The following ADAMTS10 variants were observed in gnomAD, a reference collection of about 807,000 sequenced individuals.
ADAMTS10 encodes the protein ADAM metallopeptidase with thrombospondin type 1 motif 10.
In ADAMTS10, 48 loss-of-function variants were observed where a neutral mutation model predicts 135.9. That is an observed-to-expected ratio of 0.35 (90% CI 0.28 to 0.45). ADAMTS10 has a LOEUF of 0.45. Ranked by LOEUF, ADAMTS10 falls within the 20% of genes least tolerant of loss-of-function variation. The pLI, the probability that ADAMTS10 is intolerant of heterozygous loss-of-function variation, is 1.00. For synonymous variants in ADAMTS10, 621 were observed against 647.5 expected (o/e 0.96, Z 0.62); for missense variants, 1,131 against 1,565.2 (o/e 0.72, Z 4.68).
At chr19:8,587,428 C>T (rs533950359) in intron 18 of ADAMTS10, among the ~76,000 whole-genome samples, 2 of 138,632 alleles carry the variant, frequency 1.4e-5, no homozygotes, top group African/African-American at 5.4e-5. Flanking sequence ...CCTCTTGCCT[C>T]AGCCTCCCAA....
chr19:8,592,151 CGT>C (rs782767090), intron 13 of ADAMTS10, 48 bp from the exon 14 acceptor site: 19 of 1,612,788 alleles, frequency 1.2e-5, no homozygotes, highest in Non-Finnish European at 1.4e-5. Flanking sequence ...GGAGGACACT[CGT>C]CGGCCCCATG....
At chr19:8,600,899 T>C (rs1007928124) in intron 6 of ADAMTS10, 29 bp downstream of exon 6, 1 of 1,613,458 alleles carries the variant, frequency 6.2e-7, no homozygotes, top group Non-Finnish European at 8.5e-7. Context: ...TCCTCAGGGC[T>C]GCGTGCCCAG....
At position 8,596,672 on chromosome 19, in the gene ADAMTS10, T is replaced by C; in HGVS notation, c.1041-87A>G. On this transcript the variant is annotated intron_variant, in intron 8 of 25. Transcript: ENST00000597188. The surrounding 1 kb of genome is among the most constrained non-coding windows in gnomAD (Gnocchi z 7.2). ...ACCATGCCCAGCTCTGGGGGTTGAG[T>C]CCTGCCTTGGAGGCGCCATCTGCCT... The C allele has an allele frequency of 1.3e-6, 2 of 1,537,730 alleles. No homozygotes were observed. The highest frequency in any genetic ancestry group is 2.4e-4 in the Middle Eastern group (1 of 4,160).
chr19:8,604,130 A>G (rs2146100402), intron 4 of ADAMTS10, among the ~76,000 whole-genome samples: 2 of 151,744 alleles, frequency 1.3e-5, no homozygotes, highest in South Asian at 4.2e-4. Flanking sequence ...AGCTCACTGC[A>G]TCCTCAACTT....
chr19:8,592,417 G>A (rs1389612422), intron 13 of ADAMTS10, among the ~76,000 whole-genome samples: 1 of 152,132 alleles, frequency 6.6e-6, no homozygotes, highest in Non-Finnish European at 1.5e-5. Flanking sequence ...CAGTAGGCGT[G>A]GCCAGAGCCG....
chr19:8,591,348 TG>T (rs782308545), intron 15 of ADAMTS10, among the ~76,000 whole-genome samples: 10 of 110,474 alleles, frequency 9.1e-5, no homozygotes, highest in Non-Finnish European at 1.7e-4. Flanking sequence ...GAGAAGGTGG[TG>T]GGGGTCAGGG....
Position 8,592,879 on chromosome 19 carries a change from C to G in ADAMTS10, c.1480-9G>C. 1.2e-6 allele frequency: 2 copies of G among 1,608,238 alleles called. No individual in the cohort carries two copies. The highest frequency in any genetic ancestry group is 1.7e-6 in the Non-Finnish European group (2 of 1,178,956). On this transcript the variant is annotated splice_polypyrimidine_tract_variant and intron_variant, in intron 12 of 25. Coordinates refer to ENST00000597188, the MANE Select transcript of ADAMTS10 (RefSeq NM_030957.4). ...AGCTCGCTGCAGACCTCCTGCGGGC[C>G]GAGGTGCCCGCTCAGGCTCGCCCCC...
Position 8,581,019 on chromosome 19 carries a change from A to G in ADAMTS10, c.3203-17T>C, listed in dbSNP as rs1199933725. ...CCTTGCACTCTGCGGGGACGGGAGA[A>G]GGAAGGAAAAATCAGGTCTCAGCTG... On this transcript the variant is annotated splice_polypyrimidine_tract_variant and intron_variant, in intron 25 of 25. Transcript: ENST00000597188. 3 of 1,597,148 alleles carry G rather than the reference A, an allele frequency of 1.9e-6. No individual in the cohort carries two copies. The highest frequency in any genetic ancestry group is 2.6e-6 in the Non-Finnish European group (3 of 1,167,964).
intron 13 of ADAMTS10, chr19:8,592,306 T>C: frequency 9.5e-7 from 1 of 1,050,760 alleles, no homozygotes. Context: ...AGGCGTGGCC[T>C]GAGCACAGGG....
intron 13 of ADAMTS10, 25 bp from the exon 14 acceptor site, chr19:8,592,128 G>T (rs1555739131): frequency 2.5e-6 from 4 of 1,613,412 alleles, no homozygotes; most frequent in Non-Finnish European, 3.4e-6. Flanking sequence ...ACAGGAAGGA[G>T]TGAGTCCAGC....
At chr19:8,594,740 T>G (rs1383443464) in intron 12 of ADAMTS10, among the ~76,000 whole-genome samples, 2 of 152,184 alleles carry the variant, frequency 1.3e-5, no homozygotes, top group African/African-American at 4.8e-5. Flanking sequence ...ACACAGCACA[T>G]GCTTAGCCCA....
chr19:8,597,196 T>C, intron 7 of ADAMTS10, 38 bp downstream of exon 7: 1 of 1,613,652 alleles, frequency 6.2e-7, no homozygotes. Flanking sequence ...GACATGCTGG[T>C]ATGAAGGGGA....
At chr19:8,592,329 A>G in intron 13 of ADAMTS10, 1 of 844,838 alleles carries the variant, frequency 1.2e-6, no homozygotes, top group Non-Finnish European at 1.8e-6. Context: ...CTTAACGGGG[A>G]GGGGTGTAGA....
chr19:8,592,660 G>T lies in ADAMTS10; in HGVS notation c.1587+103C>A, dbSNP rs2042554572. ...ACAAATGGCGGGCGTGGCCAATGTG[G>T]GAGGGAGCAGATAATAGGCCGAAGG... On this transcript the variant is annotated intron_variant, in intron 13 of 25. Transcript: ENST00000597188. 7.5e-6 allele frequency: 9 copies of T among 1,195,088 alleles called. No homozygotes were observed. In the Admixed American group the frequency reaches 1.8e-4, roughly 24 times the overall value. 74.0% of individuals were successfully genotyped at this position (1,195,088 alleles called of 1,614,324 possible). A position where few individuals can be genotyped will look rare whatever the true frequency, so the allele number is the denominator to read the frequency against.
intron 12 of ADAMTS10, 45 bp downstream of exon 12, chr19:8,595,710 CCCCAGCG>C: frequency 7.2e-7 from 1 of 1,385,634 alleles, no homozygotes; most frequent in Non-Finnish European, 1.0e-6. Flanking sequence ...CCTCCCCCAG[CCCCAGCG>C]GCCCCCTCCC....
At chr19:8,597,751 C>T (rs1311929545) in intron 6 of ADAMTS10, among the ~76,000 whole-genome samples, 1 of 152,206 alleles carries the variant, frequency 6.6e-6, no homozygotes, top group Non-Finnish European at 1.5e-5. Context: ...AATGATTCTA[C>T]TGCTTCAGCC....
Position 8,605,666 on chromosome 19 carries a change from C to A in ADAMTS10, c.45G>T (p.Gly15=). The change falls in exon 3 of 26, where the codon GGG becomes GGT. Residue 15 remains glycine (G), a synonymous_variant. Transcript: ENST00000597188. This position sits in a 1 kb window ranked among gnomAD's most constrained non-coding sequence, Gnocchi z 7.7. The stretch of plus-strand genomic sequence containing the variant: ...GCGTGACCTCGAACATGAGGCCCAG[C>A]CCCAGGGCGAGGGCCCAGCGGAGGA... ...CQILRWALAL[G]LGLMFEVTHA... is the part of the protein sequence containing the mutation. 1 of 1,613,484 alleles carries A rather than the reference C, an allele frequency of 6.2e-7. No individual in the cohort carries two copies. Among genetic ancestry groups the A allele is most frequent in the Non-Finnish European group, 8.5e-7 (1 of 1,179,926 alleles).
chr19:8,607,789 C>A (rs1350494620), intron 2 of ADAMTS10, among the ~76,000 whole-genome samples: 1 of 151,194 alleles, frequency 6.6e-6, no homozygotes, highest in Non-Finnish European at 1.5e-5. Context: ...AATGTCCATT[C>A]CTTCTGTTGT....
At position 8,601,099 on chromosome 19, in the gene ADAMTS10, C is replaced by T; in HGVS notation, c.639G>A (p.Lys213=). The T allele has an allele frequency of 6.2e-7, 1 of 1,614,032 alleles. No individual in the cohort carries two copies. Among genetic ancestry groups the T allele is most frequent in the South Asian group, 1.1e-5 (1 of 91,090 alleles). The change falls in exon 6 of 26, where the codon AAG becomes AAA. Residue 213 remains lysine (K), a synonymous_variant. Coordinates refer to ENST00000597188, the MANE Select transcript of ADAMTS10 (RefSeq NM_030957.4). This position sits in a 1 kb window ranked among gnomAD's most constrained non-coding sequence, Gnocchi z 4.6. ...TCCCCAGGGGCCTGGCAGGCGGTGG[C>T]TTCAAGGTCCGCAGCCACCATGGCC... ...KGRPWWLRTL[K]PPPARPLGNE...
Sources: gnomAD v4.1 joint callset for allele counts (sites outside exome capture counted in the v4.1 genomes callset) on GRCh38, gnomAD v4.1.1 for gene constraint, Gnocchi (gnomAD v3.1) non-coding constraint, MANE v1.5 for transcripts, NCBI Gene and HGNC (gene_info 2026-07-23, HGNC 2026-07-21) for gene names.